PANK1: variants seen among roughly 807,000 people sequenced by gnomAD.
PANK1 encodes the protein pantothenate kinase 1.
A neutral mutation model predicts 40.1 loss-of-function variants in PANK1; 18 were observed. The observed-to-expected ratio is 0.45, with a 90% CI of 0.31 to 0.67. The LOEUF is 0.67. PANK1 is among the 30% of genes least tolerant of loss of function. PANK1 has a pLI of 0.06. For synonymous variants in PANK1, 242 were observed against 237.7 expected, an observed-to-expected ratio of 1.02 and a Z score of -0.17; for missense variants, 457 against 599.6, an observed-to-expected ratio of 0.76 and a Z score of 2.48.
At chr10:89,599,530 A>G (rs1257333407) in intron 2 of PANK1, 25 bp from the exon 3 acceptor site, 1 of 1,601,414 alleles carries the variant, frequency 6.2e-7, no homozygotes, top group Admixed American at 1.7e-5. Context: ...ACAACAAAAT[A>G]AAACCTTGTG....
At chr10:89,606,955 G>A (rs1050407986) in intron 2 of PANK1, among the ~76,000 whole-genome samples, 8 of 152,194 alleles carry the variant, frequency 5.3e-5, no homozygotes, top group Non-Finnish European at 1.2e-4. Context: ...TAATCCAGAT[G>A]ACTAAAAGTC....
At chr10:89,600,815 C>A (rs1844755836) in intron 2 of PANK1, among the ~76,000 whole-genome samples, 1 of 152,076 alleles carries the variant, frequency 6.6e-6, no homozygotes, top group African/African-American at 2.4e-5. Flanking sequence ...CTAACAATCA[C>A]CAACATGAAA....
Position 89,644,840 on chromosome 10 carries a change from C to A in PANK1, c.52G>T (p.Ala18Ser). ...GCGGCGGCGCTGGTGCCCACGGGGG[C>A]CCCTGGAGAGTGCGGGACCGAGCGC... is the stretch of plus-strand genomic sequence containing the variant. ...QERSVPHSPGAPVGTSAAAVN... is the reference protein window; with the variant it reads ...QERSVPHSPGSPVGTSAAAVN... Residue 18 changes from alanine (A) to serine (S), a missense_variant, in exon 1 of 7, where the codon GCC becomes TCC. By Grantham distance (99) the Ala-to-Ser change is moderately conservative (BLOSUM62 1). Around this residue, in one of 4 missense-constraint regions of PANK1, gnomAD observed 144 missense variants for 131.2 expected, o/e 1.10. Coordinates refer to ENST00000307534, the MANE Select transcript of PANK1 (RefSeq NM_148977.3). The A allele has an allele frequency of 6.8e-7, 1 of 1,468,084 alleles. No homozygotes were observed. 90.9% of individuals were successfully genotyped at this position (1,468,084 alleles called of 1,614,324 possible).
At chr10:89,622,876 A>C (rs1350232795) in intron 1 of PANK1, among the ~76,000 whole-genome samples, 4 of 152,116 alleles carry the variant, frequency 2.6e-5, no homozygotes, top group Admixed American at 2.6e-4. Flanking sequence ...TTGTATTTAT[A>C]ATAAGAAAAC....
intron 1 of PANK1, among the ~76,000 whole-genome samples, chr10:89,621,429 A>T (rs1845482777): frequency 6.6e-6 from 1 of 152,218 alleles, no homozygotes; most frequent in Non-Finnish European, 1.5e-5. Flanking sequence ...TAACAAAATT[A>T]TTTGATAATA....
intron 1 of PANK1, among the ~76,000 whole-genome samples, chr10:89,632,116 C>T (rs1461528457): frequency 1.3e-5 from 2 of 152,006 alleles, no homozygotes; most frequent in Non-Finnish European, 2.9e-5. Context: ...GTGATAAGTA[C>T]TTGGCAGTTC....
In PANK1 at chr10:89,643,593, AT is replaced by A. The variant is rs1842026312; in HGVS notation, c.292+1006del. On this transcript the variant is annotated intron_variant, in intron 1 of 6. Transcript: ENST00000307534. ...AAAGTGAAGGTGTTATTTGCCAAAC[AT>A]TAAACTTTCACAGAAATCCAAAACC... The A allele has an allele frequency of 1.9e-5, 16 of 859,008 alleles. No homozygotes were observed. The Admixed American group carries it at 3.5e-4, about 19-fold the overall frequency. The allele number at this position is 859,008 out of a possible 1,614,324, so 53.2% of individuals were successfully genotyped here.
intron 5 of PANK1, 91 bp from the exon 6 acceptor site, chr10:89,588,868 C>T: frequency 7.4e-6 from 6 of 811,204 alleles, no homozygotes; most frequent in Non-Finnish European, 1.1e-5. Flanking sequence ...TGTACAGAAC[C>T]TTGAAGAGTG....
chr10:89,614,372 C>G (rs1564628913), intron 1 of PANK1, among the ~76,000 whole-genome samples: 1 of 152,198 alleles, frequency 6.6e-6, no homozygotes, highest in Admixed American at 6.5e-5. Context: ...ACCGCAGCAT[C>G]TTTTACCATG....
intron 1 of PANK1, among the ~76,000 whole-genome samples, chr10:89,631,976 GT>G (rs68094860): frequency 6.3e-5 from 9 of 143,306 alleles, no homozygotes; most frequent in African/African-American, 1.6e-4. Flanking sequence ...GTGTGTGTGT[GT>G]TTTTTTTTTT....
chr10:89,614,350 A>G (rs1489903171), intron 1 of PANK1, among the ~76,000 whole-genome samples: 1 of 152,228 alleles, frequency 6.6e-6, no homozygotes, highest in Admixed American at 6.5e-5. Context: ...CAGGATAGGC[A>G]TAAGAATGTT....
chr10:89,598,086 T>C (rs1844664689), intron 3 of PANK1, among the ~76,000 whole-genome samples: 1 of 152,198 alleles, frequency 6.6e-6, no homozygotes, highest in South Asian at 2.1e-4. Context: ...TTTTGTTACC[T>C]TATGTACTAT....
Position 89,644,797 on chromosome 10 carries a change from TGCA to T in PANK1, c.92_94del (p.Leu31del). The T allele has an allele frequency of 3.4e-6, 5 of 1,477,742 alleles. No homozygotes were observed. The highest frequency in any genetic ancestry group is 4.5e-6 in the Non-Finnish European group (5 of 1,122,426). The allele number at this position is 1,477,742 out of a possible 1,614,324, so 91.5% of individuals were successfully genotyped here. ...GACTGGCGGCGGATGGAAGCCGTTG[TGCA>T]GCAGCCCGTTCACAGCGGCGGCGCT... On this transcript the variant is annotated inframe_deletion, in exon 1 of 7. Transcript: ENST00000307534.
intron 2 of PANK1, among the ~76,000 whole-genome samples, chr10:89,601,104 G>T (rs1327576096): frequency 3.3e-5 from 5 of 152,054 alleles, no homozygotes; most frequent in Admixed American, 6.5e-5. Context: ...ACTGCTTCTG[G>T]AGTCTGGAAA....
chr10:89,609,099 C>G (rs1188527985), intron 2 of PANK1, among the ~76,000 whole-genome samples: 1 of 152,194 alleles, frequency 6.6e-6, no homozygotes, highest in Non-Finnish European at 1.5e-5. Flanking sequence ...GAGTCTTACT[C>G]TGTCACCCAG....
intron 1 of PANK1, among the ~76,000 whole-genome samples, chr10:89,643,493 A>C (rs144497724): frequency 1.3e-5 from 2 of 152,352 alleles, no homozygotes; most frequent in East Asian, 1.9e-4. Context: ...AGTCATGTCA[A>C]AGGGCTTTCC....
chr10:89,601,640 T>A (rs1168967541), intron 2 of PANK1, among the ~76,000 whole-genome samples: 3 of 152,230 alleles, frequency 2.0e-5, no homozygotes, highest in African/African-American at 7.2e-5. Context: ...TTAGTTAGAA[T>A]AGGTTACCAA....
chr10:89,625,429 T>C (rs1362246814), intron 1 of PANK1, among the ~76,000 whole-genome samples: 2 of 152,192 alleles, frequency 1.3e-5, no homozygotes, highest in Non-Finnish European at 2.9e-5. Flanking sequence ...TTTGAAGTAC[T>C]AGGTATTATC....
intron 1 of PANK1, among the ~76,000 whole-genome samples, chr10:89,636,142 C>G (rs1841799336): frequency 6.6e-6 from 1 of 152,116 alleles, no homozygotes. Context: ...TTAGGCTTTA[C>G]TAGGCATTGC....
Sources: gnomAD v4.1 joint callset for allele counts (sites outside exome capture counted in the v4.1 genomes callset) on GRCh38, gnomAD v4.1.1 for gene constraint, gnomAD v4.1.1 regional missense constraint, MANE v1.5 for transcripts, NCBI Gene and HGNC (gene_info 2026-07-23, HGNC 2026-07-21) for gene names.